The following ATP11B variants were observed in gnomAD, a reference collection of about 807,000 sequenced individuals.
ATP11B encodes the protein phospholipid-transporting ATPase IF.
ATP11B carries 81 observed loss-of-function variants against 157.8 expected under a neutral mutation model. That is an observed-to-expected ratio of 0.51 (90% CI 0.43 to 0.62). ATP11B has a LOEUF of 0.62. Ranked by LOEUF, ATP11B falls within the 20% of genes least tolerant of loss-of-function variation. ATP11B has a pLI of 0.00. For missense variants in ATP11B, 1,165 were observed against 1,402.2 expected (o/e 0.83, Z 2.70); for synonymous variants, 451 against 469.4 (o/e 0.96, Z 0.51).
At chr3:182,883,542 G>A (rs955684605) in intron 21 of ATP11B, among the ~76,000 whole-genome samples, 10 of 151,830 alleles carry the variant, frequency 6.6e-5, no homozygotes, top group African/African-American at 2.2e-4. Flanking sequence ...ACAGGCGTGA[G>A]CCACCACACC....
chr3:182,883,581 C>A (rs1291868099), intron 21 of ATP11B, among the ~76,000 whole-genome samples: 2 of 151,840 alleles, frequency 1.3e-5, no homozygotes, highest in African/African-American at 2.4e-5. Flanking sequence ...CCAGCCTGAG[C>A]CACATTTTTA....
chr3:182,818,917 A>T (rs1717134570), intron 1 of ATP11B, among the ~76,000 whole-genome samples: 1 of 131,086 alleles, frequency 7.6e-6, no homozygotes, highest in Non-Finnish European at 1.6e-5. Flanking sequence ...ACCACTATGT[A>T]AAAAAAAAAA....
intron 2 of ATP11B, among the ~76,000 whole-genome samples, chr3:182,823,973 G>T (rs1717549151): frequency 6.6e-6 from 1 of 151,996 alleles, no homozygotes; most frequent in Non-Finnish European, 1.5e-5. Flanking sequence ...ATCTTTCATG[G>T]TCTTTTGCAG....
rs1721165089 is a variant in ATP11B at position 182,865,541 on chromosome 3, A to G, written c.1286A>G (p.Tyr429Cys). ...GAATGTTCAATTAATGGCATGAAAT[A>G]CCAAGAAATTAATGGTAGACTTGTA... ...FRECSINGMK[Y>C]QEINGRLVPE... is the part of the protein sequence containing the mutation. Residue 429 changes from tyrosine to cysteine, a missense_variant, in exon 13 of 30, where the codon TAC (tyrosine) becomes TGC (cysteine). Tyr to Cys is a radical substitution (Grantham distance 194). This residue lies in a region of ATP11B where 737 missense variants were observed against 930.5 expected (regional missense o/e 0.79). Coordinates refer to ENST00000323116, the MANE Select transcript of ATP11B (RefSeq NM_014616.3). 1 of 1,613,858 alleles carries G rather than the reference A, an allele frequency of 6.2e-7. No individual in the cohort carries two copies. The highest frequency in any genetic ancestry group is 1.7e-5 in the Admixed American group (1 of 60,012).
At position 182,809,755 on chromosome 3, in the gene ATP11B, A is replaced by G. The variant is rs188611929; in HGVS notation, c.28-10505A>G. Among the ~76,000 whole-genome samples, 276 of 152,354 alleles carry G rather than the reference A, an allele frequency of 1.8e-3. 1 individual carries two copies. Among genetic ancestry groups the G allele is most frequent in the Non-Finnish European group, 3.1e-3 (209 of 68,032 alleles). The stretch of plus-strand genomic sequence containing the variant: ...CCTGATTTGATCTTAAGTATGTGAG[A>G]TGAAATAGCTTAAGGCATAAATCAC... On this transcript the variant is annotated intron_variant, in intron 1 of 29. Coordinates refer to ENST00000323116, the MANE Select transcript of ATP11B (RefSeq NM_014616.3).
In ATP11B at chr3:182,887,636, C is replaced by A. The variant is rs745599652; in HGVS notation, c.2766C>A (p.Ser922=). The change falls in exon 24 of 30, where the codon TCC becomes TCA. Residue 922 remains serine (S), a synonymous_variant. Transcript: ENST00000323116. ...CTTTATACAATATTTGTTTTACTTC[C>A]CTACCTATTCTGATATATAGTCTTT... ...YLTLYNICFT[S]LPILIYSLLE... 4 of 1,612,406 alleles carry A rather than the reference C, an allele frequency of 2.5e-6. No homozygotes were observed. The highest frequency in any genetic ancestry group is 1.7e-4 in the Middle Eastern group (1 of 6,054).
In ATP11B at chr3:182,889,364, TAATA is replaced by T. The variant is rs1026196137; in HGVS notation, c.2844-42_2844-39del. ...TTATATTAATTGTTTAGTGGGCAAATAATAAATGATCCCTAATATGTTTCTTTTT... is the reference window on the plus strand; with the variant it reads ...TTATATTAATTGTTTAGTGGGCAAATAATGATCCCTAATATGTTTCTTTTT... On this transcript the variant is annotated intron_variant, in intron 24 of 29. Coordinates refer to ENST00000323116, the MANE Select transcript of ATP11B (RefSeq NM_014616.3). 5 of 1,360,636 alleles carry T rather than the reference TAATA, an allele frequency of 3.7e-6. No homozygotes were observed. In the African/African-American group the frequency reaches 7.6e-5, roughly 21 times the overall value. The allele number at this position is 1,360,636 out of a possible 1,614,324, so 84.3% of individuals were successfully genotyped here. A position where few individuals can be genotyped will look rare whatever the true frequency, so the allele number is the denominator to read the frequency against.
At chr3:182,846,902 T>G (rs1002647964) in intron 9 of ATP11B, among the ~76,000 whole-genome samples, 11 of 152,156 alleles carry the variant, frequency 7.2e-5, no homozygotes, top group Non-Finnish European at 1.3e-4. Context: ...ATAAACGTAC[T>G]AAGTGCCACT....
chr3:182,918,266 T>A lies in ATP11B; in HGVS notation c.*162T>A. 1.0e-6 allele frequency: 1 copy of A among 958,850 alleles called. No individual in the cohort carries two copies. The highest frequency in any genetic ancestry group is 1.5e-6 in the Non-Finnish European group (1 of 686,250). 59.4% of individuals were successfully genotyped at this position (958,850 alleles called of 1,614,324 possible). On this transcript the variant is annotated 3_prime_UTR_variant, in exon 30 of 30. Transcript: ENST00000323116. ...ATGGCAAACAAACAGAAAGCATTAG[T>A]ACAAGCCCCTCCCAACACCCTTAAT... is the stretch of plus-strand genomic sequence containing the variant.
chr3:182,865,562 TTG>T lies in ATP11B; in HGVS notation c.1309_1310del (p.Val437ThrfsTer17). On this transcript the variant is annotated frameshift_variant, in exon 13 of 30. Coordinates refer to ENST00000323116, the MANE Select transcript of ATP11B (RefSeq NM_014616.3). LOFTEE classifies it high-confidence loss of function. ...AAATACCAAGAAATTAATGGTAGACTTGTACCCGAAGGACCAACACCAGACTC... is the reference window on the plus strand; with the variant it reads ...AAATACCAAGAAATTAATGGTAGACTTACCCGAAGGACCAACACCAGACTC... 1 of 1,613,870 alleles carries T rather than the reference TTG, an allele frequency of 6.2e-7. No homozygotes were observed. Among genetic ancestry groups the T allele is most frequent in the South Asian group, 1.1e-5 (1 of 91,074 alleles).
At position 182,918,118 on chromosome 3, in the gene ATP11B, CT is replaced by C. The variant is rs1468537192; in HGVS notation, c.*17del. 6.2e-7 allele frequency: 1 copy of C among 1,611,982 alleles called. No homozygotes were observed. The highest frequency in any genetic ancestry group is 1.7e-5 in the Admixed American group (1 of 59,872). On this transcript the variant is annotated 3_prime_UTR_variant, in exon 30 of 30. Coordinates refer to ENST00000323116, the MANE Select transcript of ATP11B (RefSeq NM_014616.3). ...TCTACTTGTTAAAGGGGCAGTAGTA[CT>C]TTGTGGGAGCCAGTTCACCTCCTTT...
At chr3:182,904,870 C>A (rs1724223101) in intron 28 of ATP11B, among the ~76,000 whole-genome samples, 1 of 131,016 alleles carries the variant, frequency 7.6e-6, no homozygotes, top group African/African-American at 3.0e-5. Context: ...GCCTGGACAG[C>A]AGAGTGGGAC....
chr3:182,840,366 TA>T (rs1718911141), intron 7 of ATP11B, among the ~76,000 whole-genome samples: 1 of 152,152 alleles, frequency 6.6e-6, no homozygotes, highest in South Asian at 2.1e-4. Flanking sequence ...TTCTCTACCT[TA>T]CCTTTCGCTA....
intron 1 of ATP11B, among the ~76,000 whole-genome samples, chr3:182,802,995 G>T (rs559062157): frequency 6.6e-6 from 1 of 152,212 alleles, no homozygotes; most frequent in East Asian, 1.9e-4. Flanking sequence ...CCAATCTTAT[G>T]GGGGGTTCTT....
At chr3:182,913,796 G>A (rs969611889) in intron 28 of ATP11B, 65 bp from the exon 29 acceptor site, 1 of 1,612,520 alleles carries the variant, frequency 6.2e-7, no homozygotes, top group African/African-American at 1.3e-5. Context: ...TTGTTGTAAT[G>A]TTCTAATGCT....
intron 19 of ATP11B, among the ~76,000 whole-genome samples, chr3:182,878,623 G>A (rs1420532855): frequency 6.6e-6 from 1 of 152,202 alleles, no homozygotes; most frequent in African/African-American, 2.4e-5. Flanking sequence ...TTCCAGCAGT[G>A]AGACTGTACT....
chr3:182,908,758 A>T (rs1352338843), intron 28 of ATP11B, among the ~76,000 whole-genome samples: 2 of 152,336 alleles, frequency 1.3e-5, no homozygotes, highest in African/African-American at 4.8e-5. Context: ...GATGAAGCTC[A>T]TTACTTGTTT....
Position 182,905,929 on chromosome 3 carries a change from C to T in ATP11B, c.3318+7157C>T, listed in dbSNP as rs539386029. On this transcript the variant is annotated intron_variant, in intron 28 of 29. Transcript: ENST00000323116. ...TTGTTGCGTGCACTAGGTAGTACTG[C>T]GCTGGACCTTCCCGGGCACTCATCC... The T allele has an allele frequency of 2.2e-4, 102 of 454,740 alleles. 2 individuals carry two copies. Among genetic ancestry groups the T allele is most frequent in the South Asian group, 1.5e-3 (96 of 64,432 alleles). The allele number at this position is 454,740 out of a possible 1,614,324, so 28.2% of individuals were successfully genotyped here.
chr3:182,838,402 C>CA (rs1373306361), intron 7 of ATP11B, among the ~76,000 whole-genome samples: 1 of 151,776 alleles, frequency 6.6e-6, no homozygotes, highest in Non-Finnish European at 1.5e-5. Context: ...TGAAGTATAA[C>CA]TAATGCTTTG....
Sources: gnomAD v4.1 joint callset for allele counts (sites outside exome capture counted in the v4.1 genomes callset) on GRCh38, gnomAD v4.1.1 for gene constraint, gnomAD v4.1.1 regional missense constraint, MANE v1.5 for transcripts, NCBI Gene and HGNC (gene_info 2026-07-23, HGNC 2026-07-21) for gene names.